The following PDE1C variants were observed in gnomAD, a reference collection of about 807,000 sequenced individuals.
The protein encoded by PDE1C is phosphodiesterase 1C, also known as dual specificity calcium/calmodulin-dependent 3',5'-cyclic nucleotide phosphodiesterase 1C.
A neutral mutation model predicts 93.1 loss-of-function variants in PDE1C; 62 were observed. The ratio of observed to expected loss-of-function variants is 0.67; its 90% CI spans 0.54 to 0.82. The LOEUF (loss-of-function observed/expected upper bound fraction) is 0.82. PDE1C is among the 40% of genes least tolerant of loss of function. The probability of loss-of-function intolerance (pLI) is 0.00; values close to 1 mark genes in which losing one functional copy is unlikely to be tolerated. For synonymous variants in PDE1C, 325 were observed against 310.1 expected, an observed-to-expected ratio of 1.05 and a Z score of -0.50; for missense variants, 742 against 884.6, an observed-to-expected ratio of 0.84 and a Z score of 2.04.
At chr7:32,105,572 C>T (rs750690688) in intron 3 of PDE1C, among the ~76,000 whole-genome samples, 2 of 152,148 alleles carry the variant, frequency 1.3e-5, no homozygotes, top group Admixed American at 6.6e-5. Flanking sequence ...TCCTCTTCCC[C>T]GTTAGCTCCC....
chr7:31,857,602 T>C (rs1794182286), intron 7 of PDE1C, among the ~76,000 whole-genome samples: 1 of 152,150 alleles, frequency 6.6e-6, no homozygotes, highest in Non-Finnish European at 1.5e-5. Context: ...GATGAAGAGC[T>C]GCCATGCCCT....
At chr7:31,700,634 G>A in the PDE1C span, among the ~76,000 whole-genome samples, 1 of 152,134 alleles carries the variant, frequency 6.6e-6, no homozygotes, top group African/African-American at 2.4e-5. Flanking sequence ...TGCCATCTAG[G>A]CCATTCATAG....
At chr7:31,955,495 T>C (rs1407726485) in intron 2 of PDE1C, among the ~76,000 whole-genome samples, 2 of 152,178 alleles carry the variant, frequency 1.3e-5, no homozygotes, top group African/African-American at 4.8e-5. Context: ...AAGTTTAGTC[T>C]TCAGGAGGCA....
At chr7:31,701,638 T>C in the PDE1C span, among the ~76,000 whole-genome samples, 3 of 152,200 alleles carry the variant, frequency 2.0e-5, no homozygotes, top group South Asian at 6.2e-4. Context: ...GCAAACTCTA[T>C]TGTTAAAGGA....
chr7:31,965,059 C>A (rs1179648031), intron 2 of PDE1C, among the ~76,000 whole-genome samples: 1 of 152,226 alleles, frequency 6.6e-6, no homozygotes, highest in Admixed American at 6.5e-5. Context: ...GCCTCTCCTC[C>A]TCCAAAGGAA....
intron 1 of PDE1C, among the ~76,000 whole-genome samples, chr7:32,264,539 G>C (rs1462811324): frequency 6.6e-6 from 1 of 152,138 alleles, no homozygotes; most frequent in African/African-American, 2.4e-5. Context: ...CTCCAAAATG[G>C]ATCCAAGTGT....
chr7:31,818,930 A>T (rs1252128795), intron 14 of PDE1C, among the ~76,000 whole-genome samples: 1 of 152,174 alleles, frequency 6.6e-6, no homozygotes, highest in East Asian at 1.9e-4. Context: ...TCATTTGACA[A>T]CTGAGTCAGA....
chr7:32,112,987 C>G (rs1798758646), intron 3 of PDE1C, among the ~76,000 whole-genome samples: 1 of 149,192 alleles, frequency 6.7e-6, no homozygotes, highest in Non-Finnish European at 1.5e-5. Flanking sequence ...ATGAGGTTTT[C>G]TGAGTACATT....
chr7:31,814,495 T>C (rs1787977730), intron 15 of PDE1C, among the ~76,000 whole-genome samples: 1 of 151,918 alleles, frequency 6.6e-6, no homozygotes, highest in South Asian at 2.1e-4. Flanking sequence ...TATTATTACA[T>C]GTGTTAAAAT....
intron 1 of PDE1C, among the ~76,000 whole-genome samples, chr7:32,267,389 GA>G (rs1810661222): frequency 6.6e-6 from 1 of 152,118 alleles, no homozygotes. Flanking sequence ...GAAGGAATGG[GA>G]ACAGTCAGAA....
intron 1 of PDE1C, among the ~76,000 whole-genome samples, chr7:32,318,166 T>C (rs1783212709): frequency 6.6e-6 from 1 of 152,162 alleles, no homozygotes; most frequent in Non-Finnish European, 1.5e-5. Context: ...TCCTTAAGCA[T>C]AAACAAGGAG....
intron 1 of PDE1C, among the ~76,000 whole-genome samples, chr7:32,260,558 C>A (rs971215140): frequency 2.0e-5 from 3 of 152,118 alleles, no homozygotes; most frequent in African/African-American, 7.2e-5. Context: ...AGCGATCTCG[C>A]CTTCCTCGCC....
chr7:31,750,632 C>A (rs557710244), downstream of PDE1C, among the ~76,000 whole-genome samples: 103 of 152,350 alleles, frequency 6.8e-4, no homozygotes, highest in Non-Finnish European at 1.4e-3. Flanking sequence ...AGATATTATG[C>A]AATTTAGTAA....
At chr7:31,994,055 A>G (rs756865681) in intron 2 of PDE1C, among the ~76,000 whole-genome samples, 1 of 152,112 alleles carries the variant, frequency 6.6e-6, no homozygotes, top group South Asian at 2.1e-4. Context: ...AGTCTAATAT[A>G]TAAGTCCCAT....
chr7:32,245,054 C>T (rs565823312), intron 1 of PDE1C, among the ~76,000 whole-genome samples: 5 of 152,290 alleles, frequency 3.3e-5, no homozygotes, highest in South Asian at 2.1e-4. Flanking sequence ...CCTTCATAAC[C>T]GGTGTGTGGT....
intron 2 of PDE1C, among the ~76,000 whole-genome samples, chr7:32,010,621 A>C (rs935956847): frequency 1.3e-5 from 2 of 152,238 alleles, no homozygotes; most frequent in African/African-American, 4.8e-5. Flanking sequence ...ATCACAAACC[A>C]GGTCACTATA....
At chr7:31,671,414 T>C in the PDE1C span, among the ~76,000 whole-genome samples, 1 of 152,168 alleles carries the variant, frequency 6.6e-6, no homozygotes, top group Admixed American at 6.6e-5. Context: ...TGTACTCCAG[T>C]TCCCACCTGC....
the PDE1C span, among the ~76,000 whole-genome samples, chr7:31,705,203 T>C: frequency 6.6e-6 from 1 of 152,136 alleles, no homozygotes; most frequent in African/African-American, 2.4e-5. Flanking sequence ...CCAGGAACTT[T>C]TGGGGAGTCA....
the PDE1C span, among the ~76,000 whole-genome samples, chr7:31,709,498 T>C: frequency 6.6e-6 from 1 of 152,204 alleles, no homozygotes; most frequent in African/African-American, 2.4e-5. Context: ...AAATCCCCAT[T>C]GCCTGAGTAT....
Sources: gnomAD v4.1 joint callset for allele counts (sites outside exome capture counted in the v4.1 genomes callset) on GRCh38, gnomAD v4.1.1 for gene constraint, MANE v1.5 for transcripts, NCBI Gene and HGNC (gene_info 2026-07-23, HGNC 2026-07-21) for gene names.